The following FHIT variants were observed in gnomAD, a reference collection of about 807,000 sequenced individuals.
FHIT encodes bis(5'-adenosyl)-triphosphatase.
A neutral mutation model predicts 17.9 loss-of-function variants in FHIT; 19 were observed. The observed-to-expected ratio is 1.06, with a 90% CI of 0.74 to 1.56. The LOEUF is 1.56. Ranked by LOEUF, FHIT falls within the 40% of genes most tolerant of loss-of-function variation. The pLI is 0.00. For synonymous variants in FHIT, 81 were observed against 69.7 expected (o/e 1.16, Z -0.81); for missense variants, 248 against 189.2 (o/e 1.31, Z -1.82).
At position 60,781,188 on chromosome 3, in the gene FHIT, C is replaced by T. The variant is rs569327324; in HGVS notation, c.-18+40731G>A. ...TTAGCCCATTTTCAATAGTTTAATACTTTAAAAAATAGTAGTGTTGCTGAC... is the reference window on the plus strand; with the variant it reads ...TTAGCCCATTTTCAATAGTTTAATATTTTAAAAAATAGTAGTGTTGCTGAC... On this transcript the variant is annotated intron_variant, in intron 4 of 9. Coordinates refer to ENST00000492590, the MANE Select transcript of FHIT (RefSeq NM_002012.4). Among the ~76,000 whole-genome samples the T allele has an allele frequency of 1.4e-4, 22 of 152,246 alleles. No homozygotes were observed. In the East Asian group the frequency reaches 4.1e-3, roughly 28 times the overall value.
chr3:60,454,268 A>T (rs2031939612), intron 5 of FHIT, among the ~76,000 whole-genome samples: 1 of 151,960 alleles, frequency 6.6e-6, no homozygotes, highest in African/African-American at 2.4e-5. Context: ...AGCAGATCAG[A>T]CCCTCACTGA....
chr3:59,934,971 T>C (rs11719244), intron 7 of FHIT, among the ~76,000 whole-genome samples: 29,194 of 152,066 alleles, frequency 0.19, 2,838 homozygotes, highest in Middle Eastern at 0.27. Flanking sequence ...TCTAGAGAAG[T>C]TGACAAACCT....
intron 7 of FHIT, among the ~76,000 whole-genome samples, chr3:60,006,076 T>C (rs1021262342): frequency 2.0e-5 from 3 of 152,164 alleles, no homozygotes; most frequent in African/African-American, 7.2e-5. Context: ...GCTTCTGTCC[T>C]ATGGCTACCT....
chr3:59,950,568 TTTC>T (rs1707066537), intron 7 of FHIT, among the ~76,000 whole-genome samples: 1 of 152,134 alleles, frequency 6.6e-6, no homozygotes, highest in African/African-American at 2.4e-5. Flanking sequence ...CTTGTTTTCT[TTTC>T]TTTTCTTTTC....
At chr3:60,587,776 T>C (rs897662111) in intron 4 of FHIT, among the ~76,000 whole-genome samples, 11 of 152,032 alleles carry the variant, frequency 7.2e-5, no homozygotes, top group Non-Finnish European at 1.3e-4. Context: ...CTAGGCTGTA[T>C]GCCTATATTT....
chr3:60,296,986 G>A (rs1708242406), intron 5 of FHIT, among the ~76,000 whole-genome samples: 1 of 147,974 alleles, frequency 6.8e-6, no homozygotes, highest in African/African-American at 2.5e-5. Flanking sequence ...TCTCTATTCT[G>A]TTGCATTTAT....
At chr3:60,951,315 A>G (rs1708876218) in intron 3 of FHIT, among the ~76,000 whole-genome samples, 1 of 152,216 alleles carries the variant, frequency 6.6e-6, no homozygotes, top group African/African-American at 2.4e-5. Flanking sequence ...GCTGCTTAAC[A>G]TTATTAATAT....
intron 5 of FHIT, among the ~76,000 whole-genome samples, chr3:60,227,188 A>G (rs213415): frequency 1.3e-5 from 2 of 152,016 alleles, no homozygotes; most frequent in Non-Finnish European, 2.9e-5. Flanking sequence ...CAAAGGAATC[A>G]CTAAACTCTC....
intron 4 of FHIT, among the ~76,000 whole-genome samples, chr3:60,555,958 T>C (rs2036724759): frequency 6.6e-6 from 1 of 152,258 alleles, no homozygotes; most frequent in Non-Finnish European, 1.5e-5. Flanking sequence ...ACAGCTTTCC[T>C]GTGTGGTCAT....
chr3:59,842,936 T>A (rs759504749), intron 8 of FHIT, among the ~76,000 whole-genome samples: 4 of 152,194 alleles, frequency 2.6e-5, no homozygotes, highest in Non-Finnish European at 5.9e-5. Flanking sequence ...CTATTTTTCC[T>A]TTTGATGCCC....
intron 5 of FHIT, among the ~76,000 whole-genome samples, chr3:60,486,417 A>G (rs77686999): frequency 0.041 from 6,278 of 152,218 alleles, 262 homozygotes; most frequent in East Asian, 0.11. Context: ...CCTGTGCACT[A>G]CAAACAACCA....
rs140936710 is a variant in FHIT, at chr3:59,869,465, T to C, written c.348+52881A>G. On this transcript the variant is annotated intron_variant, in intron 8 of 9. Coordinates refer to ENST00000492590, the MANE Select transcript of FHIT (RefSeq NM_002012.4). ...TTTTCATGTACTAGTCATTATTCCATCTTTCCTTAAAGAACATCCTTTTTT... is the reference window on the plus strand; with the variant it reads ...TTTTCATGTACTAGTCATTATTCCACCTTTCCTTAAAGAACATCCTTTTTT... Among the ~76,000 whole-genome samples the C allele has an allele frequency of 1.9e-3, 277 of 145,882 alleles. 3 individuals carry two copies. Among genetic ancestry groups the C allele is most frequent in the African/African-American group, 6.5e-3 (255 of 39,138 alleles).
intron 8 of FHIT, among the ~76,000 whole-genome samples, chr3:59,804,094 A>G (rs1700104553): frequency 6.6e-6 from 1 of 152,178 alleles, no homozygotes; most frequent in African/African-American, 2.4e-5. Flanking sequence ...ATCATGACAT[A>G]TTCTGTTTTC....
intron 4 of FHIT, among the ~76,000 whole-genome samples, chr3:60,771,941 C>G (rs1388979681): frequency 6.6e-6 from 1 of 152,164 alleles, no homozygotes; most frequent in East Asian, 1.9e-4. Context: ...AATTTTGGCT[C>G]TCTTCTGCAG....
intron 4 of FHIT, among the ~76,000 whole-genome samples, chr3:60,641,902 C>G (rs573190119): frequency 1.3e-5 from 2 of 151,956 alleles, no homozygotes; most frequent in South Asian, 4.2e-4. Flanking sequence ...GTACTAGCTA[C>G]AGCAGAATGC....
chr3:60,416,774 C>T (rs1702261424), intron 5 of FHIT, among the ~76,000 whole-genome samples: 1 of 152,096 alleles, frequency 6.6e-6, no homozygotes, highest in South Asian at 2.1e-4. Flanking sequence ...TGGACAAAGA[C>T]ATTTACTGTA....
chr3:60,851,083 G>A (rs1703135760), intron 3 of FHIT, among the ~76,000 whole-genome samples: 4 of 152,100 alleles, frequency 2.6e-5, no homozygotes, highest in South Asian at 4.1e-4. Flanking sequence ...TTTTAAAAGA[G>A]CAAACCTAAA....
chr3:59,787,552 T>C (rs1292777344), intron 8 of FHIT, among the ~76,000 whole-genome samples: 1 of 151,672 alleles, frequency 6.6e-6, no homozygotes, highest in Non-Finnish European at 1.5e-5. Context: ...TCCCTCTTTA[T>C]GAAAAGTAAA....
intron 7 of FHIT, among the ~76,000 whole-genome samples, chr3:59,990,709 T>C (rs1397530729): frequency 6.6e-6 from 1 of 152,002 alleles, no homozygotes; most frequent in Non-Finnish European, 1.5e-5. Context: ...GTTGGTGTGA[T>C]GTGGCTCAAT....
Sources: gnomAD v4.1 joint callset for allele counts (sites outside exome capture counted in the v4.1 genomes callset) on GRCh38, gnomAD v4.1.1 for gene constraint, MANE v1.5 for transcripts, NCBI Gene and HGNC (gene_info 2026-07-23, HGNC 2026-07-21) for gene names.